The following ZNF804A variants were observed in gnomAD, a reference collection of about 807,000 sequenced individuals.
ZNF804A encodes the protein zinc finger protein 804A.
ZNF804A carries 2 observed loss-of-function variants against 16.5 expected under a neutral mutation model. That is an observed-to-expected ratio of 0.12 (90% CI 0.05 to 0.38). The LOEUF (loss-of-function observed/expected upper bound fraction) is 0.38. ZNF804A is among the 10% of genes least tolerant of loss of function. ZNF804A has a pLI of 0.99. For missense variants in ZNF804A, 1,473 were observed against 1,390.7 expected (o/e 1.06, Z -0.94); for synonymous variants, 534 against 489.6 (o/e 1.09, Z -1.20).
chr2:184,809,085 G>T (rs909355956), intron 1 of ZNF804A, among the ~76,000 whole-genome samples: 1 of 151,724 alleles, frequency 6.6e-6, no homozygotes, highest in African/African-American at 2.4e-5. Context: ...ATTATTGAAA[G>T]AATATCTGTT....
intron 1 of ZNF804A, among the ~76,000 whole-genome samples, chr2:184,640,946 T>C (rs1287981508): frequency 1.3e-5 from 2 of 152,208 alleles, no homozygotes; most frequent in Admixed American, 6.5e-5. Flanking sequence ...ACTTATCTTT[T>C]TTAAAATTTT....
At chr2:184,923,836 A>G (rs934045177) in intron 2 of ZNF804A, among the ~76,000 whole-genome samples, 1 of 151,920 alleles carries the variant, frequency 6.6e-6, no homozygotes, top group Non-Finnish European at 1.5e-5. Context: ...CATCCTGTTG[A>G]TATGATGTAT....
At chr2:184,781,937 AT>A (rs1307799674) in intron 1 of ZNF804A, among the ~76,000 whole-genome samples, 1 of 151,848 alleles carries the variant, frequency 6.6e-6, no homozygotes, top group Non-Finnish European at 1.5e-5. Context: ...TGTTTGCAAG[AT>A]AAATTCTTCT....
chr2:184,810,067 G>A (rs887316312), intron 1 of ZNF804A, among the ~76,000 whole-genome samples: 4 of 152,064 alleles, frequency 2.6e-5, no homozygotes, highest in Admixed American at 2.0e-4. Context: ...ACAAACTATC[G>A]CCCAGGACTA....
chr2:184,735,571 C>G (rs1323143050), intron 1 of ZNF804A, among the ~76,000 whole-genome samples: 2 of 152,094 alleles, frequency 1.3e-5, no homozygotes, highest in Non-Finnish European at 1.5e-5. Flanking sequence ...GCACATGTAT[C>G]CCAGAACTTA....
intron 1 of ZNF804A, among the ~76,000 whole-genome samples, chr2:184,828,553 A>G (rs182107953): frequency 6.6e-6 from 1 of 151,074 alleles, no homozygotes; most frequent in Admixed American, 6.6e-5. Flanking sequence ...TTCCCCCTCA[A>G]TTTTGTACTC....
chr2:184,703,492 G>C (rs890128608), intron 1 of ZNF804A, among the ~76,000 whole-genome samples: 10 of 151,744 alleles, frequency 6.6e-5, no homozygotes, highest in Non-Finnish European at 1.3e-4. Flanking sequence ...CATGAGATCA[G>C]GAGATCGAGA....
intron 1 of ZNF804A, among the ~76,000 whole-genome samples, chr2:184,647,896 A>G (rs1157437011): frequency 1.3e-5 from 2 of 152,186 alleles, no homozygotes; most frequent in African/African-American, 4.8e-5. Flanking sequence ...CACTTGCAAG[A>G]TATGCTACAA....
chr2:184,644,482 T>C (rs1691842044), intron 1 of ZNF804A, among the ~76,000 whole-genome samples: 1 of 151,830 alleles, frequency 6.6e-6, no homozygotes, highest in Non-Finnish European at 1.5e-5. Context: ...CCTGGTGATA[T>C]ATAAAATTAA....
intron 1 of ZNF804A, among the ~76,000 whole-genome samples, chr2:184,747,967 C>T (rs1014775589): frequency 1.3e-5 from 2 of 151,494 alleles, no homozygotes; most frequent in East Asian, 1.9e-4. Context: ...ATCCATGTTA[C>T]TGCAAAGGAC....
intron 1 of ZNF804A, among the ~76,000 whole-genome samples, chr2:184,709,813 G>C (rs1398873515): frequency 6.7e-6 from 1 of 148,214 alleles, no homozygotes; most frequent in Non-Finnish European, 1.5e-5. Flanking sequence ...ATAAAATATT[G>C]TGTATTTTAA....
Position 184,850,209 on chromosome 2 carries a change from TAA to T in ZNF804A, c.112-16157_112-16156del, listed in dbSNP as rs778044129. 1.1e-4 allele frequency among the ~76,000 whole-genome samples: 17 copies of T among 151,882 alleles called. 2 individuals carry two copies. Among genetic ancestry groups the T allele is most frequent in the Admixed American group, 2.6e-4 (4 of 15,188 alleles). ...AATTTACTGTATGTTTTAAAATAAT[TAA>T]AAGAGTGGAATTAGAAGGTTCCTAA... On this transcript the variant is annotated intron_variant, in intron 1 of 3. Transcript: ENST00000302277.
rs140193128 is a variant in ZNF804A, at chr2:184,881,973, C to A, written c.255+15461C>A. ...CCTTGAATGTAAATAGGTTAAATGC[C>A]CCAATTAAAAGGCACAAAATTGTAA... is the stretch of plus-strand genomic sequence containing the variant. On this transcript the variant is annotated intron_variant, in intron 2 of 3. Coordinates refer to ENST00000302277, the MANE Select transcript of ZNF804A (RefSeq NM_194250.2). Among the ~76,000 whole-genome samples, 93 of 151,926 alleles carry A rather than the reference C, an allele frequency of 6.1e-4. 3 individuals carry two copies. In the East Asian group the frequency reaches 0.017, roughly 28 times the overall value.
intron 1 of ZNF804A, among the ~76,000 whole-genome samples, chr2:184,830,420 A>T (rs148452542): frequency 9.3e-4 from 142 of 152,244 alleles, no homozygotes; most frequent in African/African-American, 3.4e-3. Context: ...AGGTTTAATA[A>T]TAGAGAGATT....
At chr2:184,864,553 G>A (rs1389043774) in intron 1 of ZNF804A, among the ~76,000 whole-genome samples, 1 of 152,244 alleles carries the variant, frequency 6.6e-6, no homozygotes, top group East Asian at 1.9e-4. Context: ...TATGTATTAT[G>A]GCAAATGTAT....
intron 2 of ZNF804A, among the ~76,000 whole-genome samples, chr2:184,880,948 A>G (rs1684800946): frequency 6.6e-6 from 1 of 152,116 alleles, no homozygotes; most frequent in Non-Finnish European, 1.5e-5. Flanking sequence ...TGAATTCAGA[A>G]TATGGAAAAG....
chr2:184,891,776 TC>T (rs1410378338), intron 2 of ZNF804A, among the ~76,000 whole-genome samples: 11 of 152,180 alleles, frequency 7.2e-5, no homozygotes, highest in African/African-American at 2.7e-4. Context: ...ATTAACTTTA[TC>T]CAGTATTAAC....
At chr2:184,677,393 A>G (rs1417503318) in intron 1 of ZNF804A, among the ~76,000 whole-genome samples, 1 of 152,002 alleles carries the variant, frequency 6.6e-6, no homozygotes, top group Non-Finnish European at 1.5e-5. Context: ...AGAATTGGGT[A>G]AATTGCTCAA....
intron 2 of ZNF804A, among the ~76,000 whole-genome samples, chr2:184,899,154 T>C (rs1685135903): frequency 6.6e-6 from 1 of 152,054 alleles, no homozygotes; most frequent in South Asian, 2.1e-4. Flanking sequence ...TGGGCTTCTG[T>C]TTTCTATTCT....
Sources: gnomAD v4.1 joint callset for allele counts (sites outside exome capture counted in the v4.1 genomes callset) on GRCh38, gnomAD v4.1.1 for gene constraint, MANE v1.5 for transcripts, NCBI Gene and HGNC (gene_info 2026-07-23, HGNC 2026-07-21) for gene names.